EPB41L5: variants seen among roughly 807,000 people sequenced by gnomAD.
EPB41L5 encodes the protein band 4.1-like protein 5.
In EPB41L5, 55 loss-of-function variants were observed where a neutral mutation model predicts 106.6. The observed-to-expected ratio is 0.52, with a 90% confidence interval of 0.42 to 0.65. The LOEUF (loss-of-function observed/expected upper bound fraction) is 0.65. Ranked by LOEUF, EPB41L5 falls within the 30% of genes least tolerant of loss-of-function variation. The probability of loss-of-function intolerance (pLI) is 0.00; values close to 1 mark genes in which losing one functional copy is unlikely to be tolerated. For missense variants in EPB41L5, 871 were observed against 882.1 expected, an observed-to-expected ratio of 0.99 and a Z score of 0.16; for synonymous variants, 297 against 306.7, an observed-to-expected ratio of 0.97 and a Z score of 0.33.
At chr2:120,024,619 G>C (rs1678183061) in intron 2 of EPB41L5, among the ~76,000 whole-genome samples, 2 of 152,008 alleles carry the variant, frequency 1.3e-5, no homozygotes, top group Non-Finnish European at 2.9e-5. Context: ...ACCACACCCG[G>C]CTAATTCTGT....
intron 14 of EPB41L5, among the ~76,000 whole-genome samples, chr2:120,099,669 G>A (rs1348369340): frequency 3.3e-5 from 5 of 151,980 alleles, no homozygotes; most frequent in African/African-American, 1.2e-4. Context: ...CCTCGTGATC[G>A]CCCACCTCAG....
chr2:120,073,862 G>T (rs1176251548), intron 4 of EPB41L5, among the ~76,000 whole-genome samples: 1 of 152,130 alleles, frequency 6.6e-6, no homozygotes, highest in Non-Finnish European at 1.5e-5. Flanking sequence ...GATGCATTTG[G>T]CTCTGAACTG....
At position 120,175,077 on chromosome 2, in the gene EPB41L5, T is replaced by C. The variant is rs994419399; in HGVS notation, c.*170T>C. The C allele has an allele frequency of 1.5e-6, 1 of 664,744 alleles. No homozygotes were observed. The highest frequency in any genetic ancestry group is 2.3e-5 in the Admixed American group (1 of 43,522). The allele number at this position is 664,744 out of a possible 1,614,324, so 41.2% of individuals were successfully genotyped here. A position where few individuals can be genotyped will look rare whatever the true frequency, so the allele number is the denominator to read the frequency against. On this transcript the variant is annotated 3_prime_UTR_variant, in exon 25 of 25. Transcript: ENST00000263713. The stretch of plus-strand genomic sequence containing the variant: ...AGCTGTATTTTCCGTCCAACTGGAA[T>C]TGTTGAATCACACTGCATAGCTGCC...
chr2:120,136,183 C>T (rs1206992225), intron 18 of EPB41L5, among the ~76,000 whole-genome samples: 7 of 145,746 alleles, frequency 4.8e-5, no homozygotes, highest in Admixed American at 6.9e-5. Flanking sequence ...TCAGTGTTGT[C>T]ATCAGTTTAA....
intron 18 of EPB41L5, among the ~76,000 whole-genome samples, chr2:120,137,683 A>G (rs1306736484): frequency 6.6e-6 from 1 of 152,104 alleles, no homozygotes; most frequent in Admixed American, 6.6e-5. Flanking sequence ...TAGACCAATA[A>G]CAAGTAACAA....
In EPB41L5 at chr2:120,106,991, AATC is replaced by A. The variant is rs1684492412; in HGVS notation, c.1337+6181_1337+6183del. 1.2e-5 allele frequency: 10 copies of A among 869,216 alleles called. No homozygotes were observed. The South Asian group carries it at 4.8e-4, about 41-fold the overall frequency. 53.8% of individuals were successfully genotyped at this position (869,216 alleles called of 1,614,324 possible). A position where few individuals can be genotyped will look rare whatever the true frequency, so the allele number is the denominator to read the frequency against. Reference sequence around the variant, plus strand: ...AATATTGTAATACCAGTATAATTCAAATCATCTTTTTTTTTTTGGAGGGGAGTT... The same window carrying A: ...AATATTGTAATACCAGTATAATTCAAATCTTTTTTTTTTTGGAGGGGAGTT... On this transcript the variant is annotated intron_variant, in intron 16 of 24. Transcript: ENST00000263713.
At chr2:120,092,192 C>G (rs570015466) in intron 13 of EPB41L5, among the ~76,000 whole-genome samples, 10 of 151,994 alleles carry the variant, frequency 6.6e-5, no homozygotes, top group Admixed American at 2.6e-4. Flanking sequence ...CCACTCCTGA[C>G]TCATTTTTGT....
At chr2:120,042,246 C>A (rs948075675) in intron 3 of EPB41L5, 136 bp downstream of exon 3, 4 of 542,738 alleles carry the variant, frequency 7.4e-6, no homozygotes, top group African/African-American at 3.9e-5. Context: ...TCCCTCCCCC[C>A]ACCTCCTTGC....
chr2:120,117,736 A>G (rs1685015639), intron 16 of EPB41L5, among the ~76,000 whole-genome samples: 1 of 152,198 alleles, frequency 6.6e-6, no homozygotes, highest in Non-Finnish European at 1.5e-5. Flanking sequence ...CATAATCAAG[A>G]TTCATGATGA....
rs1273981106 is a variant in EPB41L5, at chr2:120,137,944, A to G, written c.1600-5059A>G. Reference sequence around the variant, plus strand: ...AGTATCTCTGATGAATACTGATGCAAAAATCTTCAATAAAATACTAGCAAA... The same window carrying G: ...AGTATCTCTGATGAATACTGATGCAGAAATCTTCAATAAAATACTAGCAAA... On this transcript the variant is annotated intron_variant, in intron 18 of 24. Transcript: ENST00000263713. Among the ~76,000 whole-genome samples, 3 of 152,106 alleles carry G rather than the reference A, an allele frequency of 2.0e-5. No homozygotes were observed. In the South Asian group the frequency reaches 6.2e-4, roughly 31 times the overall value.
intron 20 of EPB41L5, among the ~76,000 whole-genome samples, chr2:120,155,224 G>A (rs993854996): frequency 2.6e-5 from 4 of 152,120 alleles, no homozygotes; most frequent in Admixed American, 1.3e-4. Context: ...TTGTTTATCT[G>A]AGAATGTCTT....
chr2:120,036,122 A>T (rs757211563), intron 2 of EPB41L5, among the ~76,000 whole-genome samples: 1 of 152,174 alleles, frequency 6.6e-6, no homozygotes, highest in Non-Finnish European at 1.5e-5. Flanking sequence ...TTCAAGAATA[A>T]ATCATAATAG....
chr2:120,030,596 C>A (rs1678640174), intron 2 of EPB41L5, among the ~76,000 whole-genome samples: 1 of 152,200 alleles, frequency 6.6e-6, no homozygotes, highest in Non-Finnish European at 1.5e-5. Context: ...CTCTGTTGCC[C>A]AGGCTGAAGT....
intron 3 of EPB41L5, among the ~76,000 whole-genome samples, chr2:120,071,714 C>T (rs1424523160): frequency 1.3e-5 from 2 of 152,180 alleles, no homozygotes; most frequent in African/African-American, 2.4e-5. Context: ...GTTGGGAAAA[C>T]TGGCTAGCCA....
Position 120,078,567 on chromosome 2 carries a change from T to C in EPB41L5, c.789T>C (p.Ile263=). Reference sequence around the variant, plus strand: ...TTGTTTTTGAAGGAGATACCAAAATTGGCTTATTTTTTTGGTAAGCAAGAG... The same window carrying C: ...TTGTTTTTGAAGGAGATACCAAAATCGGCTTATTTTTTTGGTAAGCAAGAG... ...GVLVFEGDTK[I]GLFFWPKITR... Residue 263 remains isoleucine (I), a synonymous_variant, in exon 10 of 25, where the codon ATT becomes ATC. Transcript: ENST00000263713. 1 of 1,605,678 alleles carries C rather than the reference T, an allele frequency of 6.2e-7. No individual in the cohort carries two copies. The highest frequency in any genetic ancestry group is 8.5e-7 in the Non-Finnish European group (1 of 1,175,846).
rs779760380 is a variant in EPB41L5, at chr2:120,131,694, C to G, written c.1578C>G (p.Ile526Met). The change falls in exon 18 of 25, where the codon ATC becomes ATG. Residue 526 changes from isoleucine (I) to methionine (M), a missense_variant. Transcript: ENST00000263713. ...NSPLLSPRSN[I>M]DVNINSQEEV... The stretch of plus-strand genomic sequence containing the variant: ...CTTTGCTGTCCCCTCGATCCAACAT[C>G]GATGTTAACATAAACAGCCAGGTAT... The G allele has an allele frequency of 6.2e-7, 1 of 1,613,476 alleles. No homozygotes were observed. Among genetic ancestry groups the G allele is most frequent in the Non-Finnish European group, 8.5e-7 (1 of 1,179,598 alleles).
At chr2:120,100,624 T>C in intron 15 of EPB41L5, 75 bp from the exon 16 acceptor site, 2 of 1,015,092 alleles carry the variant, frequency 2.0e-6, no homozygotes, top group East Asian at 2.4e-5. Flanking sequence ...TAAATAGTAC[T>C]CCATTTTAGT....
At chr2:120,168,864 G>T (rs564245989) in intron 24 of EPB41L5, among the ~76,000 whole-genome samples, 5 of 152,334 alleles carry the variant, frequency 3.3e-5, no homozygotes, top group African/African-American at 1.2e-4. Context: ...ACAGATGAGA[G>T]ACCTACATTT....
chr2:120,050,079 C>G (rs577574705), intron 3 of EPB41L5, among the ~76,000 whole-genome samples: 18 of 152,314 alleles, frequency 1.2e-4, no homozygotes, highest in African/African-American at 4.3e-4. Flanking sequence ...TGACCTTTCT[C>G]TCTGGCTGCC....
Sources: allele counts gnomAD v4.1 joint callset (sites outside exome capture counted in the v4.1 genomes callset), GRCh38; gene constraint gnomAD v4.1.1; transcripts MANE v1.5; gene names NCBI Gene and HGNC (gene_info 2026-07-23, HGNC 2026-07-21).